The following PLXNA4 variants were observed in gnomAD, a reference collection of about 807,000 sequenced individuals.
The protein encoded by PLXNA4 is plexin A4.
A neutral mutation model predicts 191.8 loss-of-function variants in PLXNA4; 44 were observed. The ratio of observed to expected loss-of-function variants is 0.23; its 90% CI spans 0.18 to 0.29. The LOEUF is 0.29. Ranked by LOEUF, PLXNA4 falls within the 10% of genes least tolerant of loss-of-function variation. The pLI is 1.00. For synonymous variants in PLXNA4, 1,082 were observed against 1,009.5 expected, an observed-to-expected ratio of 1.07 and a Z score of -1.36; for missense variants, 1,800 against 2,488.8, an observed-to-expected ratio of 0.72 and a Z score of 5.89.
intron 4 of PLXNA4, among the ~76,000 whole-genome samples, chr7:132,292,213 C>T (rs1800919795): frequency 1.3e-5 from 2 of 152,140 alleles, no homozygotes; most frequent in Admixed American, 6.5e-5. Context: ...AAAATATTTC[C>T]CCTGACTGTC....
chr7:132,635,799 G>A (rs1803593162), intron 2 of PLXNA4, among the ~76,000 whole-genome samples: 1 of 152,020 alleles, frequency 6.6e-6, no homozygotes, highest in Non-Finnish European at 1.5e-5. Flanking sequence ...TCCGGAAGAT[G>A]TAAAATCACA....
At chr7:132,292,424 A>G (rs954187554) in intron 4 of PLXNA4, among the ~76,000 whole-genome samples, 2 of 152,210 alleles carry the variant, frequency 1.3e-5, no homozygotes, top group African/African-American at 4.8e-5. Context: ...GTAACACCCT[A>G]GATAGAGCTT....
In PLXNA4 at chr7:132,187,544, T is replaced by C. The variant is rs1337294647; in HGVS notation, c.2920A>G (p.Ile974Val). 1 of 1,614,170 alleles carries C rather than the reference T, an allele frequency of 6.2e-7. No individual in the cohort carries two copies. Among genetic ancestry groups the C allele is most frequent in the African/African-American group, 1.3e-5 (1 of 75,060 alleles). ...CCGGCATTCAGGTTGGTGCCTGTGA[T>C]GGTCACTTGGGTCCCTCCGGACATG... ...GPMSGGTQVT[I>V]TGTNLNAGSN... is the part of the protein sequence containing the mutation. Residue 974 changes from isoleucine (I) to valine (V), a missense_variant, in exon 15 of 32, where the codon ATC (isoleucine) becomes GTC (valine). Around this residue, in one of 6 missense-constraint regions of PLXNA4, gnomAD observed 1,397 missense variants for 1,880.4 expected, o/e 0.74. Transcript: ENST00000321063.
At position 132,393,085 on chromosome 7, in the gene PLXNA4, C is replaced by T. The variant is rs564435949; in HGVS notation, c.1372-94863G>A. Among the ~76,000 whole-genome samples, 10 of 152,132 alleles carry T rather than the reference C, an allele frequency of 6.6e-5. No individual in the cohort carries two copies. In the South Asian group the frequency reaches 1.0e-3, roughly 16 times the overall value. On this transcript the variant is annotated intron_variant, in intron 3 of 31. Coordinates refer to ENST00000321063, the MANE Select transcript of PLXNA4 (RefSeq NM_020911.2). ...TATACCAATTGTCAGTTTCCTCCTCCGAATTTTCTCATGCTGTTCCTCATC... is the reference window on the plus strand; with the variant it reads ...TATACCAATTGTCAGTTTCCTCCTCTGAATTTTCTCATGCTGTTCCTCATC...
intron 1 of PLXNA4, among the ~76,000 whole-genome samples, chr7:132,540,818 A>G (rs973120371): frequency 9.3e-5 from 14 of 150,340 alleles, no homozygotes; most frequent in Non-Finnish European, 1.9e-4. Flanking sequence ...CGATCTCCTG[A>G]CCTCATGATC....
At chr7:132,437,218 T>C (rs1298402606) in intron 3 of PLXNA4, among the ~76,000 whole-genome samples, 1 of 152,188 alleles carries the variant, frequency 6.6e-6, no homozygotes, top group African/African-American at 2.4e-5. Context: ...GGCATCCACT[T>C]TGCTCTTCAA....
chr7:132,392,733 C>A lies in PLXNA4; in HGVS notation c.1372-94511G>T, dbSNP rs925023982. Reference sequence around the variant, plus strand: ...CCTAGGTTGTCCTGGGGAGGATGGGCCGCTGTTGGAGGCTACAGCAATCCT... The same window carrying A: ...CCTAGGTTGTCCTGGGGAGGATGGGACGCTGTTGGAGGCTACAGCAATCCT... On this transcript the variant is annotated intron_variant, in intron 3 of 31. Transcript: ENST00000321063. Among the ~76,000 whole-genome samples the A allele has an allele frequency of 1.6e-4, 24 of 152,352 alleles. 1 individual carries two copies. In the South Asian group the frequency reaches 4.6e-3, roughly 29 times the overall value.
intron 3 of PLXNA4, among the ~76,000 whole-genome samples, chr7:132,319,397 A>G (rs1379499513): frequency 6.6e-6 from 1 of 152,150 alleles, no homozygotes; most frequent in Non-Finnish European, 1.5e-5. Context: ...AGGTGCTGTG[A>G]TGAGGGCTTC....
At chr7:132,498,029 T>C (rs1227591488) in intron 2 of PLXNA4, among the ~76,000 whole-genome samples, 1 of 152,186 alleles carries the variant, frequency 6.6e-6, no homozygotes, top group African/African-American at 2.4e-5. Context: ...CAACAAATTA[T>C]AGTAGTTCCC....
chr7:132,309,797 C>T (rs940500985), intron 3 of PLXNA4, among the ~76,000 whole-genome samples: 7 of 152,140 alleles, frequency 4.6e-5, no homozygotes, highest in African/African-American at 1.7e-4. Flanking sequence ...TGAGCTGCTA[C>T]CACACCTTCA....
chr7:132,385,521 T>A (rs904826407), intron 3 of PLXNA4, among the ~76,000 whole-genome samples: 2 of 152,232 alleles, frequency 1.3e-5, no homozygotes, highest in African/African-American at 4.8e-5. Context: ...AACTTTACTT[T>A]TGTTCCCTGG....
At chr7:132,407,720 T>C (rs1460085728) in intron 3 of PLXNA4, among the ~76,000 whole-genome samples, 1 of 152,244 alleles carries the variant, frequency 6.6e-6, no homozygotes, top group African/African-American at 2.4e-5. Flanking sequence ...TCTTTTGCTT[T>C]CCAGGGTGGA....
At chr7:132,541,395 G>A (rs1563161146) in intron 1 of PLXNA4, among the ~76,000 whole-genome samples, 1 of 152,330 alleles carries the variant, frequency 6.6e-6, no homozygotes, top group Non-Finnish European at 1.5e-5. Context: ...GGTGAAAACC[G>A]CAATTATTCT....
chr7:132,576,068 G>A lies in PLXNA4; in HGVS notation c.-87+354C>T, dbSNP rs1426217048. ...CTAGGGACGAAAGGGGCTGGGAGCT[G>A]AAAAATTGCTCCCTCAACCTCCCCG... On this transcript the variant is annotated intron_variant, in intron 1 of 31. Transcript: ENST00000321063. The surrounding 1 kb of genome is among the most constrained non-coding windows in gnomAD (Gnocchi z 5.8). Among the ~76,000 whole-genome samples the A allele has an allele frequency of 1.3e-5, 2 of 152,160 alleles. No individual in the cohort carries two copies. The highest frequency in any genetic ancestry group is 4.8e-5 in the African/African-American group (2 of 41,448).
chr7:132,364,425 C>A (rs1804072328), intron 3 of PLXNA4, among the ~76,000 whole-genome samples: 3 of 152,204 alleles, frequency 2.0e-5, no homozygotes, highest in Admixed American at 6.5e-5. Flanking sequence ...GTCCTCTCTG[C>A]ACTGGGGCAG....
chr7:132,418,172 T>C (rs1036335435), intron 3 of PLXNA4, among the ~76,000 whole-genome samples: 4 of 152,160 alleles, frequency 2.6e-5, no homozygotes, highest in African/African-American at 7.2e-5. Flanking sequence ...ATGTTTTATC[T>C]TATTTTTTAA....
chr7:132,556,896 C>T (rs1336216194), intron 1 of PLXNA4, among the ~76,000 whole-genome samples: 1 of 152,126 alleles, frequency 6.6e-6, no homozygotes, highest in Non-Finnish European at 1.5e-5. Flanking sequence ...GAGGATGAAA[C>T]AAAGTTTAAG....
intron 3 of PLXNA4, among the ~76,000 whole-genome samples, chr7:132,475,520 T>C (rs1431741134): frequency 6.6e-6 from 1 of 152,098 alleles, no homozygotes; most frequent in Non-Finnish European, 1.5e-5. Context: ...ATCCCACTGC[T>C]TCCTTCTGCC....
chr7:132,539,171 A>G (rs1399996342), intron 1 of PLXNA4, among the ~76,000 whole-genome samples: 1 of 152,150 alleles, frequency 6.6e-6, no homozygotes, highest in African/African-American at 2.4e-5. Context: ...AGGGAGTCTC[A>G]AGAGATTGAC....
Sources: allele counts gnomAD v4.1 joint callset (sites outside exome capture counted in the v4.1 genomes callset), GRCh38; gene constraint gnomAD v4.1.1; regional missense constraint gnomAD v4.1.1; non-coding constraint Gnocchi (gnomAD v3.1); transcripts MANE v1.5; gene names NCBI Gene and HGNC (gene_info 2026-07-23, HGNC 2026-07-21).